ATP10A: variants seen among roughly 807,000 people sequenced by gnomAD.
The protein encoded by ATP10A is ATPase phospholipid transporting 10A (putative).
ATP10A carries 111 observed loss-of-function variants against 147.8 expected under a neutral mutation model. That is an observed-to-expected ratio of 0.75 (90% CI 0.64 to 0.88). The LOEUF is 0.88. Among genes scored for constraint, ATP10A ranks in the 40% least tolerant of loss-of-function variants. The probability of loss-of-function intolerance (pLI) is 0.00; values close to 1 mark genes in which losing one functional copy is unlikely to be tolerated. For missense variants in ATP10A, 1,927 were observed against 1,959.0 expected (o/e 0.98, Z 0.31); for synonymous variants, 875 against 841.6 (o/e 1.04, Z -0.69).
rs1313651492 is a variant in ATP10A, at chr15:25,716,858, C to T, written c.1648G>A (p.Val550Met). 1.3e-5 allele frequency: 21 copies of T among 1,609,492 alleles called. No individual in the cohort carries two copies. The highest frequency in any genetic ancestry group is 1.6e-5 in the Non-Finnish European group (19 of 1,178,082). ...KVSECDKSLA[V>M]ARHQEHLLAH... ...AGCAGGTGCTCCTGATGCCTCGCCA[C>T]GGCTAGGCTCTTGTCACACTCACTC... The change falls in exon 9 of 21, where the codon GTG (valine) becomes ATG (methionine). Residue 550 changes from valine (V) to methionine (M), a missense_variant. Val to Met is a conservative substitution (Grantham distance 21). Transcript: ENST00000555815.
intron 2 of ATP10A, among the ~76,000 whole-genome samples, chr15:25,777,037 C>T (rs1326862657): frequency 6.6e-6 from 1 of 151,870 alleles, no homozygotes; most frequent in Non-Finnish European, 1.5e-5. Context: ...CGTATTGGTC[C>T]CATGGCTGGT....
intron 1 of ATP10A, among the ~76,000 whole-genome samples, chr15:25,796,723 G>A (rs775848955): frequency 2.0e-5 from 3 of 152,334 alleles, no homozygotes; most frequent in Admixed American, 6.5e-5. Flanking sequence ...CCTGGAACCT[G>A]CCGGATATCC....
At chr15:25,770,221 G>GCCCCACCCATGTTTTCAGCCCT (rs1889263999) in intron 2 of ATP10A, among the ~76,000 whole-genome samples, 1 of 151,252 alleles carries the variant, frequency 6.6e-6, no homozygotes, top group Admixed American at 6.6e-5. Flanking sequence ...GTGGGGAGGG[G>GCCCCACCCATGTTTTCAGCCCT]CCCCACCCAT....
rs116473463 is a variant in ATP10A, at chr15:25,800,870, C to T, written c.450-19647G>A. Among the ~76,000 whole-genome samples, 783 of 152,270 alleles carry T rather than the reference C, an allele frequency of 5.1e-3. 1 individual carries two copies. The highest frequency in any genetic ancestry group is 0.018 in the African/African-American group (742 of 41,558). On this transcript the variant is annotated intron_variant, in intron 1 of 20. Coordinates refer to ENST00000555815, the MANE Select transcript of ATP10A (RefSeq NM_024490.4). ...AACTTTATTACCAATATTACAACGA[C>T]ATCAGGAACCGAGTTCCCATAGAAG... is the stretch of plus-strand genomic sequence containing the variant.
intron 1 of ATP10A, among the ~76,000 whole-genome samples, chr15:25,820,432 C>A (rs1052796560): frequency 4.6e-5 from 7 of 152,104 alleles, no homozygotes; most frequent in African/African-American, 1.2e-4. Flanking sequence ...ACACAGTATA[C>A]CATACTGATG....
At chr15:25,699,370 A>G (rs922638046) in intron 13 of ATP10A, among the ~76,000 whole-genome samples, 1 of 152,224 alleles carries the variant, frequency 6.6e-6, no homozygotes, top group African/African-American at 2.4e-5. Context: ...AACAAATGGC[A>G]CTGGAGGAAC....
chr15:25,766,257 C>G (rs925268474), intron 2 of ATP10A, among the ~76,000 whole-genome samples: 1 of 152,156 alleles, frequency 6.6e-6, no homozygotes, highest in Non-Finnish European at 1.5e-5. Flanking sequence ...CCGGGAGATA[C>G]AATTCAAGTT....
chr15:25,681,693 G>A (rs534060229), intron 17 of ATP10A, among the ~76,000 whole-genome samples: 2 of 152,266 alleles, frequency 1.3e-5, no homozygotes, highest in South Asian at 2.1e-4. Context: ...ACTATCTGCA[G>A]CTGCGTCACT....
intron 8 of ATP10A, among the ~76,000 whole-genome samples, 159 bp from the exon 9 acceptor site, chr15:25,717,083 T>C (rs1727164662): frequency 1.3e-5 from 2 of 152,224 alleles, no homozygotes; most frequent in Admixed American, 6.5e-5. Flanking sequence ...TTACTTACAA[T>C]TTTAATTGCA....
At chr15:25,818,235 T>C (rs939692717) in intron 1 of ATP10A, among the ~76,000 whole-genome samples, 1 of 152,230 alleles carries the variant, frequency 6.6e-6, no homozygotes, top group Non-Finnish European at 1.5e-5. Flanking sequence ...ACTTGAATTT[T>C]CAATTTAACT....
intron 1 of ATP10A, among the ~76,000 whole-genome samples, chr15:25,837,393 C>T (rs11634115): frequency 0.27 from 41,638 of 152,074 alleles, 5,975 homozygotes; most frequent in South Asian, 0.38. Context: ...CCTGAGGGAC[C>T]TGAAGTGAAA....
At chr15:25,748,317 G>A (rs536709978) in intron 2 of ATP10A, among the ~76,000 whole-genome samples, 8 of 152,264 alleles carry the variant, frequency 5.3e-5, no homozygotes, top group African/African-American at 1.9e-4. Context: ...ACATTAGGAA[G>A]ATGGATATAG....
At chr15:25,791,677 G>A (rs563686755) in intron 1 of ATP10A, among the ~76,000 whole-genome samples, 3 of 152,100 alleles carry the variant, frequency 2.0e-5, no homozygotes, top group Non-Finnish European at 2.9e-5. Context: ...GTGAGCCACC[G>A]TGCCTGGCCT....
chr15:25,683,862 T>C (rs1899563560), intron 16 of ATP10A: 1 of 205,900 alleles, frequency 4.9e-6, no homozygotes, highest in Non-Finnish European at 9.9e-6. Flanking sequence ...GAGTATGAGC[T>C]GTGGCATCTT....
At chr15:25,760,517 T>C (rs28801113) in intron 2 of ATP10A, among the ~76,000 whole-genome samples, 2 of 152,136 alleles carry the variant, frequency 1.3e-5, no homozygotes, top group East Asian at 3.9e-4. Context: ...ACTTACAATC[T>C]TCAAGTGTTA....
At position 25,680,983 on chromosome 15, in the gene ATP10A, G is replaced by A. The variant is rs747992646; in HGVS notation, c.3573+11C>T. 1 of 1,614,048 alleles carries A rather than the reference G, an allele frequency of 6.2e-7. No individual in the cohort carries two copies. ...GCTGGTAAGAAAAACTGCACCCAGG[G>A]GCCAACTTACCAGGTAAGGAATGGA... is the stretch of plus-strand genomic sequence containing the variant. On this transcript the variant is annotated intron_variant, in intron 18 of 20. Coordinates refer to ENST00000555815, the MANE Select transcript of ATP10A (RefSeq NM_024490.4).
At chr15:25,720,457 A>G (rs1212313327) in intron 7 of ATP10A, among the ~76,000 whole-genome samples, 1 of 152,180 alleles carries the variant, frequency 6.6e-6, no homozygotes, top group East Asian at 1.9e-4. Flanking sequence ...GGGCTGCTGT[A>G]GAACCGACTG....
At chr15:25,742,749 T>G (rs922251041) in intron 2 of ATP10A, among the ~76,000 whole-genome samples, 1 of 152,054 alleles carries the variant, frequency 6.6e-6, no homozygotes, top group Non-Finnish European at 1.5e-5. Flanking sequence ...GTAACGAGAG[T>G]TGTTTCACAG....
chr15:25,686,799 G>A lies in ATP10A; in HGVS notation c.3291+904C>T, dbSNP rs1262178864. ...TACAAATGGGGCAGAACTCTGAGAC[G>A]GCCATGTGGTCCATCCTGCAGGGCT... On this transcript the variant is annotated intron_variant, in intron 16 of 20. Coordinates refer to ENST00000555815, the MANE Select transcript of ATP10A (RefSeq NM_024490.4). Among the ~76,000 whole-genome samples the A allele has an allele frequency of 1.9e-5, 2 of 107,500 alleles. 1 individual carries two copies. The highest frequency in any genetic ancestry group is 6.2e-4 in the South Asian group (2 of 3,242). The allele number at this position is 107,500 out of a possible 152,430, so 70.5% of individuals were successfully genotyped here. A position where few individuals can be genotyped will look rare whatever the true frequency, so the allele number is the denominator to read the frequency against.
Sources: allele counts gnomAD v4.1 joint callset (sites outside exome capture counted in the v4.1 genomes callset), GRCh38; gene constraint gnomAD v4.1.1; transcripts MANE v1.5; gene names NCBI Gene and HGNC (gene_info 2026-07-23, HGNC 2026-07-21).